The following NADK2 variants were observed in gnomAD, a reference collection of about 807,000 sequenced individuals.
NADK2 encodes NAD kinase domain-containing protein 1, mitochondrial.
NADK2 carries 35 observed loss-of-function variants against 62.1 expected under a neutral mutation model. That is an observed-to-expected ratio of 0.56 (90% CI 0.43 to 0.75). The LOEUF (loss-of-function observed/expected upper bound fraction) is 0.75, where lower values mean the gene tolerates loss of function less well. Among genes scored for constraint, NADK2 ranks in the 30% least tolerant of loss-of-function variants. The pLI is 0.00. For synonymous variants in NADK2, 205 were observed against 207.9 expected (o/e 0.99, Z 0.12); for missense variants, 439 against 561.3 (o/e 0.78, Z 2.20).
intron 9 of NADK2, among the ~76,000 whole-genome samples, chr5:36,200,671 G>GATATGGGA (rs1746409607): frequency 1.3e-5 from 2 of 151,950 alleles, no homozygotes; most frequent in African/African-American, 4.8e-5. Context: ...TGGGATATGA[G>GATATGGGA]TCATCCTTTT....
chr5:36,240,091 T>A (rs1415683488), intron 1 of NADK2, among the ~76,000 whole-genome samples: 1 of 152,210 alleles, frequency 6.6e-6, no homozygotes, highest in African/African-American at 2.4e-5. Context: ...TTTCCCCAAA[T>A]AGTAACACTG....
intron 7 of NADK2, among the ~76,000 whole-genome samples, chr5:36,209,629 C>T (rs1746765500): frequency 1.3e-5 from 2 of 152,110 alleles, no homozygotes; most frequent in African/African-American, 4.8e-5. Flanking sequence ...TCAACTACCA[C>T]ATAGTATCTA....
chr5:36,217,855 T>C lies in NADK2; in HGVS notation c.674A>G (p.Tyr225Cys), dbSNP rs1473865867. Residue 225 changes from tyrosine to cysteine, a missense_variant, in exon 6 of 12, where the codon TAC becomes TGC. Coordinates refer to ENST00000381937, the MANE Select transcript of NADK2 (RefSeq NM_001085411.3). ...RWLWRQRIRL[Y>C]LEGTGINPVP... The stretch of plus-strand genomic sequence containing the variant: ...AGGGTTTATGCCAGTCCCTTCAAGG[T>C]ATAACCTGATTCTCTGCCTCCACAA... The C allele has an allele frequency of 1.2e-6, 2 of 1,613,650 alleles. No individual in the cohort carries two copies. The highest frequency in any genetic ancestry group is 1.7e-5 in the Admixed American group (1 of 59,992).
At chr5:36,218,903 T>C (rs1414044752) in intron 5 of NADK2, among the ~76,000 whole-genome samples, 1 of 152,114 alleles carries the variant, frequency 6.6e-6, no homozygotes, top group African/African-American at 2.4e-5. Flanking sequence ...AGATAAAAAA[T>C]ATAAAATCTG....
intron 1 of NADK2, among the ~76,000 whole-genome samples, chr5:36,233,738 T>C (rs539017113): frequency 3.3e-5 from 5 of 152,328 alleles, no homozygotes; most frequent in Middle Eastern, 3.4e-3. Flanking sequence ...CAAATTTATG[T>C]ACTGAGTCAC....
At chr5:36,201,273 C>G in intron 8 of NADK2, 112 bp from the exon 9 acceptor site, 1 of 919,458 alleles carries the variant, frequency 1.1e-6, no homozygotes. Flanking sequence ...GGAGGAAGTT[C>G]TAAATGAACA....
Position 36,241,290 on chromosome 5 carries a change from T to TC in NADK2, c.300+208dup. The TC allele has an allele frequency of 1.0e-6, 1 of 1,004,306 alleles. No homozygotes were observed. The allele number at this position is 1,004,306 out of a possible 1,614,324, so 62.2% of individuals were successfully genotyped here. On this transcript the variant is annotated intron_variant, in intron 1 of 11. Transcript: ENST00000381937. This position sits in a 1 kb window ranked among gnomAD's most constrained non-coding sequence, Gnocchi z 4.9. ...ACCACTGTCCCTCTCTCTCCCCCTC[T>TC]CCCCGGCCCTGCCTCTCCCTCGCAC... is the stretch of plus-strand genomic sequence containing the variant.
At chr5:36,195,739 C>A (rs1374283524) in intron 11 of NADK2, among the ~76,000 whole-genome samples, 1 of 152,144 alleles carries the variant, frequency 6.6e-6, no homozygotes, top group Non-Finnish European at 1.5e-5. Context: ...TCACCCAACT[C>A]AGGAATCAAC....
intron 6 of NADK2, among the ~76,000 whole-genome samples, chr5:36,217,234 C>T (rs1197328509): frequency 1.3e-5 from 2 of 152,140 alleles, no homozygotes; most frequent in Admixed American, 1.3e-4. Flanking sequence ...GAAAATATGG[C>T]TCAAAATGGA....
chr5:36,216,573 TTC>T (rs761135973), intron 6 of NADK2, among the ~76,000 whole-genome samples: 10 of 152,114 alleles, frequency 6.6e-5, no homozygotes, highest in Non-Finnish European at 1.2e-4. Context: ...CATTTTTCTG[TTC>T]TTTTTCTCGA....
intron 11 of NADK2, 150 bp downstream of exon 11, chr5:36,197,391 G>T: frequency 2.0e-6 from 2 of 987,414 alleles, no homozygotes; most frequent in Non-Finnish European, 3.0e-6. Context: ...GGGTTAGCAT[G>T]ATACCTTGTT....
chr5:36,213,275 G>C (rs1746916464), intron 6 of NADK2: 1 of 152,058 alleles, frequency 6.6e-6, no homozygotes, highest in Non-Finnish European at 1.5e-5. Flanking sequence ...ATGCTAAACT[G>C]AGTGATTTGT....
At chr5:36,225,023 A>G (rs1324909357) in intron 4 of NADK2, among the ~76,000 whole-genome samples, 1 of 152,170 alleles carries the variant, frequency 6.6e-6, no homozygotes, top group Non-Finnish European at 1.5e-5. Context: ...CTCCTCAGCA[A>G]TACCAAAGGT....
At chr5:36,223,842 A>C (rs1218878395) in intron 4 of NADK2, among the ~76,000 whole-genome samples, 3 of 152,196 alleles carry the variant, frequency 2.0e-5, no homozygotes, top group Admixed American at 6.5e-5. Context: ...ACACAGGGTA[A>C]AGGATTTTTA....
intron 6 of NADK2, among the ~76,000 whole-genome samples, chr5:36,214,600 T>C (rs1226877692): frequency 2.6e-5 from 4 of 152,242 alleles, no homozygotes; most frequent in African/African-American, 9.6e-5. Context: ...CACTGTCATA[T>C]TGCTAAACTT....
intron 7 of NADK2, chr5:36,208,766 A>G: frequency 1.1e-6 from 1 of 928,288 alleles, no homozygotes; most frequent in South Asian, 1.5e-5. Flanking sequence ...AACATTATAA[A>G]TGAGGCAGGA....
chr5:36,219,756 G>T (rs750783337), intron 4 of NADK2, 77 bp from the exon 5 acceptor site: 4 of 1,002,498 alleles, frequency 4.0e-6, no homozygotes, highest in Admixed American at 3.7e-5. Flanking sequence ...TAATCAAAAG[G>T]TATCACTAAG....
chr5:36,231,571 G>A (rs1747710493), intron 1 of NADK2, among the ~76,000 whole-genome samples: 1 of 152,114 alleles, frequency 6.6e-6, no homozygotes, highest in Non-Finnish European at 1.5e-5. Flanking sequence ...TTAATAAACA[G>A]CATCAATTAG....
At position 36,196,654 on chromosome 5, in the gene NADK2, T is replaced by C. The variant is rs535523143; in HGVS notation, c.1190+887A>G. 2.2e-3 allele frequency among the ~76,000 whole-genome samples: 333 copies of C among 152,280 alleles called. 1 individual carries two copies. The highest frequency in any genetic ancestry group is 3.9e-3 in the Non-Finnish European group (268 of 68,006). ...AGTTCAATTTGTCAATCTTTTGTTGTTATAGTGCTTTTTATGACATGTTTA... is the reference window on the plus strand; with the variant it reads ...AGTTCAATTTGTCAATCTTTTGTTGCTATAGTGCTTTTTATGACATGTTTA... On this transcript the variant is annotated intron_variant, in intron 11 of 11. Transcript: ENST00000381937.
Sources: allele counts gnomAD v4.1 joint callset (sites outside exome capture counted in the v4.1 genomes callset), GRCh38; gene constraint gnomAD v4.1.1; non-coding constraint Gnocchi (gnomAD v3.1); transcripts MANE v1.5; gene names NCBI Gene and HGNC (gene_info 2026-07-23, HGNC 2026-07-21).